Variants in PRKCG observed in about 807,000 individuals in gnomAD.
PRKCG encodes protein kinase C gamma type.
A neutral mutation model predicts 82.0 loss-of-function variants in PRKCG; 28 were observed. That is an observed-to-expected ratio of 0.34 (90% confidence interval 0.25 to 0.47). The LOEUF is 0.47. Among genes scored for constraint, PRKCG ranks in the 20% least tolerant of loss-of-function variants. PRKCG has a pLI of 1.00. For synonymous variants in PRKCG, 383 were observed against 376.6 expected, an observed-to-expected ratio of 1.02 and a Z score of -0.20; for missense variants, 640 against 952.7, an observed-to-expected ratio of 0.67 and a Z score of 4.32.
chr19:53,886,466 G>C (rs544927953), intron 3 of PRKCG, among the ~76,000 whole-genome samples: 1 of 151,814 alleles, frequency 6.6e-6, no homozygotes, highest in South Asian at 2.1e-4. Flanking sequence ...ACAGTGATGG[G>C]ATCATAGCTC....
intron 9 of PRKCG, among the ~76,000 whole-genome samples, chr19:53,896,332 G>A (rs1413916150): frequency 6.6e-6 from 1 of 151,364 alleles, no homozygotes; most frequent in Non-Finnish European, 1.5e-5. Flanking sequence ...GCCAAGCCTT[G>A]AGCTAGGTAC....
At chr19:53,898,419 C>G (rs577421098) in intron 10 of PRKCG, 21 bp from the exon 11 acceptor site, 1 of 1,613,888 alleles carries the variant, frequency 6.2e-7, no homozygotes, top group South Asian at 1.1e-5. Flanking sequence ...TGGACTGGCC[C>G]TTTTGGAACT....
rs1223729740 is a variant in PRKCG at position 53,893,559 on chromosome 19, C to A, written c.939+168C>A. On this transcript the variant is annotated intron_variant, in intron 9 of 17. Coordinates refer to ENST00000263431, the MANE Select transcript of PRKCG (RefSeq NM_002739.5). ...ATCCAGGATCCAGAGATGAATCTGA[C>A]CCTCAAGCAACTCTCCAAGGTAGGG... The A allele has an allele frequency of 1.0e-5, 8 of 771,130 alleles. No individual in the cohort carries two copies. The African/African-American group carries it at 1.2e-4, about 12-fold the overall frequency. 47.8% of individuals were successfully genotyped at this position (771,130 alleles called of 1,614,324 possible). A position where few individuals can be genotyped will look rare whatever the true frequency, so the allele number is the denominator to read the frequency against.
chr19:53,902,907 A>C (rs1394123195), intron 14 of PRKCG, among the ~76,000 whole-genome samples, 166 bp from the exon 15 acceptor site: 16 of 151,166 alleles, frequency 1.1e-4, no homozygotes, highest in African/African-American at 3.7e-4. Context: ...AAAAAAAAAA[A>C]AAAAAAAAAC....
At chr19:53,906,653 C>CT in intron 17 of PRKCG, 54 bp from the exon 18 acceptor site, 1 of 1,583,288 alleles carries the variant, frequency 6.3e-7, no homozygotes, top group Non-Finnish European at 8.7e-7. Flanking sequence ...CACAGAGGGA[C>CT]ACCCGAGGAG....
chr19:53,906,460 C>G lies in PRKCG; in HGVS notation c.1905+3C>G. ...CGCCTCCTTTCAGACCCCGCCCGGT[C>G]AGTCACCCTCCAGGCAACAAAAACC... On this transcript the variant is annotated splice_donor_region_variant and intron_variant, in intron 17 of 17. Coordinates refer to ENST00000263431, the MANE Select transcript of PRKCG (RefSeq NM_002739.5). The G allele has an allele frequency of 6.4e-7, 1 of 1,574,452 alleles. No individual in the cohort carries two copies. Among genetic ancestry groups the G allele is most frequent in the Non-Finnish European group, 8.6e-7 (1 of 1,159,286 alleles).
chr19:53,906,667 T>A (rs760741057), intron 17 of PRKCG, 40 bp from the exon 18 acceptor site: 71 of 1,607,070 alleles, frequency 4.4e-5, no homozygotes, highest in Middle Eastern at 4.3e-4. Context: ...CGAGGAGCCC[T>A]CGGAGCTGCT....
intron 14 of PRKCG, among the ~76,000 whole-genome samples, 189 bp from the exon 15 acceptor site, chr19:53,902,884 C>T (rs955970778): frequency 8.7e-6 from 1 of 115,144 alleles, no homozygotes; most frequent in Non-Finnish European, 1.6e-5. Context: ...CAGAGTGAGA[C>T]CCTGTCAAAA....
At chr19:53,896,378 T>TGA (rs1489861942) in intron 9 of PRKCG, among the ~76,000 whole-genome samples, 4 of 2,548 alleles carry the variant, frequency 1.6e-3, no homozygotes, top group East Asian at 0.025. Flanking sequence ...ACAGCCCTGA[T>TGA]TATTATTATT....
intron 9 of PRKCG, among the ~76,000 whole-genome samples, chr19:53,897,595 C>T (rs1353270788): frequency 6.6e-6 from 1 of 152,100 alleles, no homozygotes; most frequent in Admixed American, 6.5e-5. Flanking sequence ...GCTTGGGTTT[C>T]ATTTCTGGCT....
At chr19:53,894,177 T>C (rs2123000749) in intron 9 of PRKCG, among the ~76,000 whole-genome samples, 1 of 152,336 alleles carries the variant, frequency 6.6e-6, no homozygotes, top group South Asian at 2.1e-4. Flanking sequence ...GCCATTCTCC[T>C]GCATCAGCCT....
intron 9 of PRKCG, among the ~76,000 whole-genome samples, chr19:53,896,123 C>T (rs2068716271): frequency 6.6e-6 from 1 of 151,508 alleles, no homozygotes; most frequent in Non-Finnish European, 1.5e-5. Flanking sequence ...GGAGGACATT[C>T]TGAGCCAAAG....
chr19:53,904,104 A>G (rs2068784216), intron 15 of PRKCG, among the ~76,000 whole-genome samples: 1 of 152,110 alleles, frequency 6.6e-6, no homozygotes, highest in African/African-American at 2.4e-5. Context: ...TAGAAGTTAA[A>G]AAAAAATTTG....
At chr19:53,890,547 C>A (rs1362995390) in intron 5 of PRKCG, among the ~76,000 whole-genome samples, 1 of 151,832 alleles carries the variant, frequency 6.6e-6, no homozygotes, top group Non-Finnish European at 1.5e-5. Context: ...GCGTGAGCCA[C>A]CGCGCCTGGC....
rs2068656173 is a variant in PRKCG, at chr19:53,889,601, T to C, written c.286-37T>C. 1 of 1,558,564 alleles carries C rather than the reference T, an allele frequency of 6.4e-7. No homozygotes were observed. The highest frequency in any genetic ancestry group is 1.4e-5 in the African/African-American group (1 of 73,718). On this transcript the variant is annotated intron_variant, in intron 3 of 17. Coordinates refer to ENST00000263431, the MANE Select transcript of PRKCG (RefSeq NM_002739.5). The surrounding 1 kb of genome is among the most constrained non-coding windows in gnomAD (Gnocchi z 4.4). ...CCCCTCCCCTGGGGTTTTAGGACCC[T>C]CCCAACGCCCCCTAAGCCAGTCTTC...
rs113390038 is a variant in PRKCG, at chr19:53,897,779, C to T, written c.940-180C>T. 5.5e-3 allele frequency among the ~76,000 whole-genome samples: 842 copies of T among 151,804 alleles called. 11 individuals are homozygous for T. The highest frequency in any genetic ancestry group is 0.019 in the African/African-American group (780 of 41,400). Reference sequence around the variant, plus strand: ...AAGTGTTTGTTGAATAATAAATAAACCCTCCAGGCTATGGGGAGTCAGAGA... The same window carrying T: ...AAGTGTTTGTTGAATAATAAATAAATCCTCCAGGCTATGGGGAGTCAGAGA... On this transcript the variant is annotated intron_variant, in intron 9 of 17. Transcript: ENST00000263431.
intron 11 of PRKCG, among the ~76,000 whole-genome samples, chr19:53,899,768 G>T (rs922561288): frequency 6.6e-6 from 1 of 152,098 alleles, no homozygotes; most frequent in African/African-American, 2.4e-5. Context: ...TGTATTTTTA[G>T]TAGAGACCGG....
At chr19:53,886,429 G>A (rs1049931246) in intron 3 of PRKCG, among the ~76,000 whole-genome samples, 1 of 150,700 alleles carries the variant, frequency 6.6e-6, no homozygotes, top group Admixed American at 6.6e-5. Flanking sequence ...TTGAGACAGG[G>A]TCCCACTCTG....
chr19:53,903,710 T>C (rs901469585), intron 15 of PRKCG, among the ~76,000 whole-genome samples: 1 of 152,122 alleles, frequency 6.6e-6, no homozygotes, highest in Non-Finnish European at 1.5e-5. Flanking sequence ...GCCACTGTGT[T>C]CCAGCACAGG....
Sources: gnomAD v4.1 joint callset for allele counts (sites outside exome capture counted in the v4.1 genomes callset) on GRCh38, gnomAD v4.1.1 for gene constraint, Gnocchi (gnomAD v3.1) non-coding constraint, MANE v1.5 for transcripts, NCBI Gene and HGNC (gene_info 2026-07-23, HGNC 2026-07-21) for gene names.